Variants in TMEM209 observed in about 807,000 individuals in gnomAD.
The protein encoded by TMEM209 is transmembrane protein 209, also known as testicular tissue protein Li 202.
A neutral mutation model predicts 76.2 loss-of-function variants in TMEM209; 65 were observed. The ratio of observed to expected loss-of-function variants is 0.85; its 90% CI spans 0.70 to 1.05. The LOEUF (loss-of-function observed/expected upper bound fraction) is 1.05, where lower values mean the gene tolerates loss of function less well. Ranked by LOEUF, TMEM209 falls within the 50% of genes least tolerant of loss-of-function variation. The pLI is 0.00. For synonymous variants in TMEM209, 239 were observed against 237.6 expected (o/e 1.01, Z -0.06); for missense variants, 623 against 685.5 (o/e 0.91, Z 1.02).
intron 5 of TMEM209, among the ~76,000 whole-genome samples, chr7:130,194,937 C>A (rs796296747): frequency 9.9e-5 from 15 of 152,220 alleles, no homozygotes; most frequent in African/African-American, 3.6e-4. Context: ...GGTTAATCCT[C>A]TTCCACACAG....
intron 8 of TMEM209, among the ~76,000 whole-genome samples, chr7:130,182,273 ATT>A (rs900853151): frequency 1.3e-5 from 2 of 150,950 alleles, no homozygotes; most frequent in African/African-American, 4.9e-5. Context: ...ACATGTTTTT[ATT>A]TTTTTTCCTG....
At chr7:130,199,295 G>C (rs552143632) in intron 5 of TMEM209, among the ~76,000 whole-genome samples, 1 of 151,872 alleles carries the variant, frequency 6.6e-6, no homozygotes, top group South Asian at 2.1e-4. Context: ...TCGGCTCACT[G>C]AAAGCTCCGC....
chr7:130,200,038 T>C (rs1164733096), intron 5 of TMEM209: 2 of 151,776 alleles, frequency 1.3e-5, no homozygotes, highest in Non-Finnish European at 2.9e-5. Flanking sequence ...TCTTATATTA[T>C]GGTGGGGAGG....
intron 11 of TMEM209, 77 bp downstream of exon 11, chr7:130,175,435 C>T: frequency 7.3e-7 from 1 of 1,375,960 alleles, no homozygotes; most frequent in Non-Finnish European, 1.0e-6. Flanking sequence ...GCACTACAGC[C>T]TGGGTGACAG....
intron 5 of TMEM209, among the ~76,000 whole-genome samples, chr7:130,194,652 A>C (rs1002160699): frequency 1.3e-5 from 2 of 152,204 alleles, no homozygotes; most frequent in Non-Finnish European, 2.9e-5. Flanking sequence ...CAGATGCCTA[A>C]AACTGAAATT....
At chr7:130,201,219 C>G (rs1176303576) in intron 5 of TMEM209, among the ~76,000 whole-genome samples, 1 of 151,700 alleles carries the variant, frequency 6.6e-6, no homozygotes, top group East Asian at 1.9e-4. Context: ...ACAGTAGCGA[C>G]AGCATCTGAA....
intron 10 of TMEM209, among the ~76,000 whole-genome samples, chr7:130,176,925 G>T (rs1411253397): frequency 2.0e-5 from 3 of 151,672 alleles, no homozygotes; most frequent in African/African-American, 7.3e-5. Flanking sequence ...GGCTGAGGAG[G>T]GAGGATTGCC....
chr7:130,173,993 T>C, intron 11 of TMEM209, 54 bp from the exon 12 acceptor site: 1 of 1,206,090 alleles, frequency 8.3e-7, no homozygotes, highest in Non-Finnish European at 1.2e-6. Flanking sequence ...CTAGCATGGA[T>C]GTAGAACCCT....
intron 3 of TMEM209, 104 bp downstream of exon 3, chr7:130,203,684 C>T: frequency 1.0e-6 from 1 of 962,028 alleles, no homozygotes; most frequent in Non-Finnish European, 1.6e-6. Flanking sequence ...ACCCAGCAGG[C>T]AGTCAAATAC....
intron 6 of TMEM209, among the ~76,000 whole-genome samples, chr7:130,185,795 T>C (rs1175533134): frequency 6.6e-6 from 1 of 152,216 alleles, no homozygotes; most frequent in Non-Finnish European, 1.5e-5. Context: ...ATTACTCTCC[T>C]GGTAACAAGC....
At chr7:130,181,742 T>C in intron 8 of TMEM209, 23 bp from the exon 9 acceptor site, 1 of 1,570,746 alleles carries the variant, frequency 6.4e-7, no homozygotes, top group Non-Finnish European at 8.7e-7. Flanking sequence ...AGGTACAGAT[T>C]TTGGATACAT....
chr7:130,173,622 A>G lies in TMEM209; in HGVS notation c.1557+10T>C, dbSNP rs1797143500. The G allele has an allele frequency of 6.3e-7, 1 of 1,596,284 alleles. No individual in the cohort carries two copies. The highest frequency in any genetic ancestry group is 1.7e-5 in the Admixed American group (1 of 59,326). On this transcript the variant is annotated intron_variant, in intron 13 of 14. Coordinates refer to ENST00000397622, the MANE Select transcript of TMEM209 (RefSeq NM_032842.4). The stretch of plus-strand genomic sequence containing the variant: ...CATTCTGTAACAGCATCTTCTCTAT[A>G]TAGAAATACCTTTGGCAGGTTGTAT...
intron 1 of TMEM209, among the ~76,000 whole-genome samples, chr7:130,204,643 G>C (rs1798364343): frequency 6.6e-6 from 1 of 152,102 alleles, no homozygotes; most frequent in African/African-American, 2.4e-5. Flanking sequence ...CCCAGCCGTG[G>C]CTGGTTATTT....
intron 5 of TMEM209, among the ~76,000 whole-genome samples, chr7:130,200,263 A>T (rs17164725): frequency 0.083 from 12,688 of 152,162 alleles, 602 homozygotes; most frequent in Middle Eastern, 0.14. Context: ...TGATTTAGCT[A>T]TGCGGCTTTG....
intron 13 of TMEM209, 149 bp from the exon 14 acceptor site, chr7:130,170,622 G>A (rs1797037083): frequency 4.5e-6 from 3 of 664,342 alleles, no homozygotes; most frequent in Non-Finnish European, 7.5e-6. Context: ...AAGTACCTAC[G>A]CTTTGTGCTA....
intron 6 of TMEM209, among the ~76,000 whole-genome samples, chr7:130,189,253 G>A (rs1480714995): frequency 1.3e-5 from 2 of 152,158 alleles, no homozygotes; most frequent in African/African-American, 4.8e-5. Flanking sequence ...CTGGAGTGCA[G>A]TGGTGTGATC....
At chr7:130,176,869 G>A (rs999657795) in intron 10 of TMEM209, among the ~76,000 whole-genome samples, 3 of 151,778 alleles carry the variant, frequency 2.0e-5, no homozygotes, top group Non-Finnish European at 4.4e-5. Context: ...AAATATTAGG[G>A]CCAGGTAGCA....
chr7:130,194,750 T>C (rs1797914979), intron 5 of TMEM209, among the ~76,000 whole-genome samples: 1 of 152,190 alleles, frequency 6.6e-6, no homozygotes, highest in African/African-American at 2.4e-5. Context: ...ATTTATGACA[T>C]TGAACACTTA....
intron 6 of TMEM209, among the ~76,000 whole-genome samples, chr7:130,188,533 T>G (rs184611227): frequency 7.0e-6 from 1 of 143,260 alleles, no homozygotes; most frequent in African/African-American, 2.6e-5. Context: ...GAGGCGGAGC[T>G]TGCAGCGAGC....
Sources: gnomAD v4.1 joint callset for allele counts (sites outside exome capture counted in the v4.1 genomes callset) on GRCh38, gnomAD v4.1.1 for gene constraint, MANE v1.5 for transcripts, NCBI Gene and HGNC (gene_info 2026-07-23, HGNC 2026-07-21) for gene names.